Variants in HNRNPC observed in about 807,000 individuals in gnomAD.
HNRNPC encodes the protein heterogeneous nuclear ribonucleoprotein C, also known as heterogeneous nuclear ribonucleoproteins C1/C2.
In HNRNPC, 3 loss-of-function variants were observed where a neutral mutation model predicts 33.2. That is an observed-to-expected ratio of 0.09 (90% CI 0.04 to 0.23). The LOEUF is 0.23. HNRNPC is among the 10% of genes least tolerant of loss of function. The pLI is 1.00. For synonymous variants in HNRNPC, 121 were observed against 126.7 expected (o/e 0.96, Z 0.30); for missense variants, 143 against 366.7 (o/e 0.39, Z 4.98).
intron 2 of HNRNPC, among the ~76,000 whole-genome samples, chr14:21,253,461 CAAAAAAA>C (rs71112561): frequency 4.4e-4 from 34 of 77,252 alleles, no homozygotes; most frequent in Middle Eastern, 8.9e-3. Flanking sequence ...GACTCCATCT[CAAAAAAA>C]AAAAAAAAAA....
intron 2 of HNRNPC, 128 bp from the exon 3 acceptor site, chr14:21,234,357 C>T (rs775773080): frequency 1.7e-5 from 12 of 723,076 alleles, no homozygotes; most frequent in Non-Finnish European, 2.0e-5. Flanking sequence ...AAGGGACTCA[C>T]AGCATTAAGT....
At chr14:21,267,631 C>T (rs1289568487) in intron 1 of HNRNPC, among the ~76,000 whole-genome samples, 1 of 152,112 alleles carries the variant, frequency 6.6e-6, no homozygotes, top group Non-Finnish European at 1.5e-5. Flanking sequence ...TTACTAAACG[C>T]CTATCTAGTT....
chr14:21,259,882 C>CAAAAAAAAAAA (rs5807071), intron 2 of HNRNPC, among the ~76,000 whole-genome samples: 4 of 132,900 alleles, frequency 3.0e-5, no homozygotes, highest in Non-Finnish European at 6.3e-5. Flanking sequence ...CTGTCTCCAC[C>CAAAAAAAAAAA]AAAAAAAAAA....
chr14:21,266,175 T>A (rs569548020), intron 1 of HNRNPC, among the ~76,000 whole-genome samples: 6 of 152,188 alleles, frequency 3.9e-5, no homozygotes, highest in Non-Finnish European at 8.8e-5. Context: ...GTGCGATGGC[T>A]CACTGCAACC....
At chr14:21,262,883 A>T (rs375136815) in intron 2 of HNRNPC, 1 of 152,086 alleles carries the variant, frequency 6.6e-6, no homozygotes, top group East Asian at 1.9e-4. Flanking sequence ...AAACAAAAAT[A>T]AAAAAAATTA....
intron 5 of HNRNPC, among the ~76,000 whole-genome samples, chr14:21,222,072 A>C (rs1346518696): frequency 1.3e-5 from 2 of 151,382 alleles, no homozygotes; most frequent in African/African-American, 2.4e-5. Flanking sequence ...AAAAAGCTGA[A>C]AAACACATGA....
At chr14:21,227,425 C>T (rs1030000680) in intron 5 of HNRNPC, among the ~76,000 whole-genome samples, 1 of 152,156 alleles carries the variant, frequency 6.6e-6, no homozygotes, top group Non-Finnish European at 1.5e-5. Context: ...TACTGGCTGA[C>T]GTTAGAACAA....
At chr14:21,267,253 G>A (rs183029846) in intron 1 of HNRNPC, among the ~76,000 whole-genome samples, 1 of 152,062 alleles carries the variant, frequency 6.6e-6, no homozygotes, top group African/African-American at 2.4e-5. Context: ...ATTTGCCTAA[G>A]GAGGATTAAA....
chr14:21,261,894 CATTCCTGT>C (rs1444049200), intron 2 of HNRNPC, among the ~76,000 whole-genome samples: 2 of 152,140 alleles, frequency 1.3e-5, no homozygotes, highest in Non-Finnish European at 2.9e-5. Flanking sequence ...ATCTCTACAC[CATTCCTGT>C]GAATAACACA....
chr14:21,238,713 CT>C (rs935949609), intron 2 of HNRNPC, among the ~76,000 whole-genome samples: 8 of 151,994 alleles, frequency 5.3e-5, no homozygotes, highest in African/African-American at 1.4e-4. Context: ...TAGAATTTTT[CT>C]TTTTTTAATG....
At chr14:21,257,995 T>C (rs528345460) in intron 2 of HNRNPC, among the ~76,000 whole-genome samples, 6 of 152,296 alleles carry the variant, frequency 3.9e-5, no homozygotes, top group Admixed American at 1.3e-4. Flanking sequence ...ATTTAAGGTG[T>C]TGGGAAATCA....
chr14:21,257,210 T>C (rs1174673157), intron 2 of HNRNPC, among the ~76,000 whole-genome samples: 1 of 152,184 alleles, frequency 6.6e-6, no homozygotes, highest in Non-Finnish European at 1.5e-5. Flanking sequence ...CTGTTGATCT[T>C]AAGTGTCGAA....
chr14:21,222,066 A>AG (rs1202300125), intron 5 of HNRNPC, among the ~76,000 whole-genome samples: 3 of 125,774 alleles, frequency 2.4e-5, no homozygotes, highest in Non-Finnish European at 3.3e-5. Context: ...AAAAAAAAAA[A>AG]GCTGAAAAAC....
intron 1 of HNRNPC, chr14:21,265,138 T>C (rs961878611): frequency 6.6e-6 from 1 of 152,266 alleles, no homozygotes; most frequent in Non-Finnish European, 1.5e-5. Context: ...AGTTAATTTT[T>C]ACATTTGATG....
At chr14:21,224,345 T>C (rs1893175869) in intron 5 of HNRNPC, among the ~76,000 whole-genome samples, 1 of 152,182 alleles carries the variant, frequency 6.6e-6, no homozygotes, top group South Asian at 2.1e-4. Context: ...TTTCTCTCTC[T>C]ACCAAGATAC....
intron 3 of HNRNPC, 99 bp downstream of exon 3, chr14:21,233,852 AAT>A (rs1377883026): frequency 6.4e-6 from 9 of 1,410,596 alleles, no homozygotes; most frequent in Non-Finnish European, 8.7e-6. Context: ...CAATATCCAG[AAT>A]ATCTCATGCT....
At chr14:21,231,524 G>C (rs998823583) in intron 3 of HNRNPC, 3 of 398,660 alleles carry the variant, frequency 7.5e-6, no homozygotes, top group Non-Finnish European at 1.5e-5. Flanking sequence ...TCGTAGGGAC[G>C]AACTCTTGGG....
rs1878334683 is a variant in HNRNPC, at chr14:21,262,041, T to C, written c.-37+1270A>G. 2.0e-5 allele frequency among the ~76,000 whole-genome samples: 3 copies of C among 152,218 alleles called. No individual in the cohort carries two copies. The South Asian group carries it at 6.2e-4, about 32-fold the overall frequency. On this transcript the variant is annotated intron_variant, in intron 2 of 8. Transcript: ENST00000553300. ...TCACCACTGTAAAAGGGGTCAGCCT[T>C]AGACAGTTCCTAATTTGGATGTAGA...
intron 6 of HNRNPC, 94 bp from the exon 7 acceptor site, chr14:21,212,017 G>A: frequency 2.1e-6 from 2 of 951,284 alleles, no homozygotes; most frequent in South Asian, 1.4e-5. Flanking sequence ...GGAGCTCACA[G>A]GAGATACCCA....
Sources: allele counts gnomAD v4.1 joint callset (sites outside exome capture counted in the v4.1 genomes callset), GRCh38; gene constraint gnomAD v4.1.1; transcripts MANE v1.5; gene names NCBI Gene and HGNC (gene_info 2026-07-23, HGNC 2026-07-21).